SERPINI2: variants seen among roughly 807,000 people sequenced by gnomAD.
The protein encoded by SERPINI2 is serpin I2.
A neutral mutation model predicts 47.3 loss-of-function variants in SERPINI2; 48 were observed. The ratio of observed to expected loss-of-function variants is 1.02; its 90% CI spans 0.81 to 1.29. The LOEUF (loss-of-function observed/expected upper bound fraction) is 1.29, where lower values mean the gene tolerates loss of function less well. Among genes scored for constraint, SERPINI2 ranks in the 50% most tolerant of loss-of-function variants. The pLI is 0.00. For missense variants in SERPINI2, 448 were observed against 456.9 expected (o/e 0.98, Z 0.18); for synonymous variants, 135 against 149.3 (o/e 0.90, Z 0.70).
intron 5 of SERPINI2, among the ~76,000 whole-genome samples, chr3:167,461,975 G>A (rs921363396): frequency 2.0e-5 from 3 of 151,968 alleles, no homozygotes; most frequent in African/African-American, 7.3e-5. Flanking sequence ...AGAAAATCTG[G>A]GTCACCTTCT....
intron 5 of SERPINI2, among the ~76,000 whole-genome samples, chr3:167,461,621 T>A (rs1320835719): frequency 6.6e-6 from 1 of 151,982 alleles, no homozygotes; most frequent in African/African-American, 2.4e-5. Flanking sequence ...ATGCTTTTTT[T>A]TTTTTTGGAG....
chr3:167,457,751 A>G (rs993270432), intron 5 of SERPINI2, among the ~76,000 whole-genome samples: 2 of 152,230 alleles, frequency 1.3e-5, no homozygotes, highest in Non-Finnish European at 2.9e-5. Flanking sequence ...TAAACAATTC[A>G]TTTTAATATA....
intron 2 of SERPINI2, 113 bp downstream of exon 2, chr3:167,471,475 A>T: frequency 1.0e-6 from 1 of 1,003,998 alleles, no homozygotes; most frequent in Non-Finnish European, 1.4e-6. Flanking sequence ...ACAATTTTGT[A>T]CTTTTCATTA....
At chr3:167,475,103 AT>A (rs1296530594), upstream of SERPINI2, among the ~76,000 whole-genome samples, 2 of 151,674 alleles carry the variant, frequency 1.3e-5, no homozygotes, top group Non-Finnish European at 3.0e-5. Flanking sequence ...ATTAACTAAA[AT>A]TTTTTGATTT....
At chr3:167,471,781 G>A (rs1234843335) in exon 2 of SERPINI2, 1 of 1,613,274 alleles carries the variant, frequency 6.2e-7, no homozygotes, top group Non-Finnish European at 8.5e-7. Context: ...AGCATCTTGA[G>A]GCTTGACTTC....
At chr3:167,476,704 G>A (rs1750488184), upstream of SERPINI2, among the ~76,000 whole-genome samples, 1 of 151,920 alleles carries the variant, frequency 6.6e-6, no homozygotes, top group Non-Finnish European at 1.5e-5. Context: ...ATTTAGTATT[G>A]GCTTAATAAA....
At chr3:167,471,521 T>C in intron 2 of SERPINI2, 67 bp downstream of exon 2, 1 of 1,428,972 alleles carries the variant, frequency 7.0e-7, no homozygotes, top group Non-Finnish European at 9.4e-7. Context: ...ATCCTGAACT[T>C]CTAATATTAA....
exon 9 of SERPINI2, chr3:167,442,110 C>A: frequency 6.3e-7 from 1 of 1,593,436 alleles, no homozygotes; most frequent in Non-Finnish European, 8.5e-7. Context: ...GCTTTTCATT[C>A]ACAGTGAATC....
intron 8 of SERPINI2, among the ~76,000 whole-genome samples, chr3:167,443,198 C>T (rs1350552550): frequency 6.6e-6 from 1 of 152,202 alleles, no homozygotes; most frequent in Non-Finnish European, 1.5e-5. Flanking sequence ...AGCTCCGCCT[C>T]CCGGGTTCAC....
intron 6 of SERPINI2, among the ~76,000 whole-genome samples, chr3:167,449,785 G>A (rs540680981): frequency 2.6e-5 from 4 of 152,260 alleles, no homozygotes; most frequent in South Asian, 2.1e-4. Context: ...GAGCCACCAC[G>A]CCCAGCATCA....
At chr3:167,469,602 T>C (rs988717766) in intron 2 of SERPINI2, 2 of 152,086 alleles carry the variant, frequency 1.3e-5, no homozygotes, top group Middle Eastern at 3.2e-3. Flanking sequence ...AAGAAGCACA[T>C]TGAATTTAGC....
At chr3:167,443,152 G>C (rs1749375717) in intron 8 of SERPINI2, among the ~76,000 whole-genome samples, 1 of 152,178 alleles carries the variant, frequency 6.6e-6, no homozygotes, top group African/African-American at 2.4e-5. Context: ...CTGTCACCCA[G>C]GCTGGAGTGC....
At chr3:167,463,275 T>G (rs1750032856) in intron 5 of SERPINI2, among the ~76,000 whole-genome samples, 1 of 152,110 alleles carries the variant, frequency 6.6e-6, no homozygotes, top group African/African-American at 2.4e-5. Flanking sequence ...TATACCCCAG[T>G]GTTTGGCATA....
intron 6 of SERPINI2, 55 bp downstream of exon 6, chr3:167,452,881 G>A: frequency 9.3e-7 from 1 of 1,070,056 alleles, no homozygotes; most frequent in Non-Finnish European, 1.4e-6. Context: ...GCTAGTTAAT[G>A]TAGTCCTAAC....
intron 1 of SERPINI2, among the ~76,000 whole-genome samples, chr3:167,472,212 CCTT>C (rs1447251192): frequency 6.6e-6 from 1 of 151,878 alleles, no homozygotes; most frequent in African/African-American, 2.4e-5. Flanking sequence ...ATCAGGTAAA[CCTT>C]CTGTGCTGTC....
upstream of SERPINI2, among the ~76,000 whole-genome samples, chr3:167,474,330 G>T (rs1311737773): frequency 6.6e-6 from 1 of 151,622 alleles, no homozygotes; most frequent in Non-Finnish European, 1.5e-5. Context: ...TGCGCTACTG[G>T]TTGTAAATTT....
intron 3 of SERPINI2, 41 bp from the exon 4 acceptor site, chr3:167,465,714 A>G (rs373953280): frequency 2.0e-6 from 3 of 1,529,460 alleles, no homozygotes; most frequent in African/African-American, 2.8e-5. Flanking sequence ...GAAATGTGCA[A>G]TAGTGATTCA....
chr3:167,455,531 G>T (rs1176879418), intron 5 of SERPINI2, among the ~76,000 whole-genome samples: 1 of 151,014 alleles, frequency 6.6e-6, no homozygotes, highest in Non-Finnish European at 1.5e-5. Flanking sequence ...TTGGTACAGT[G>T]GGCTTGAATC....
At chr3:167,448,726 G>A (rs1480825053) in intron 7 of SERPINI2, among the ~76,000 whole-genome samples, 1 of 152,116 alleles carries the variant, frequency 6.6e-6, no homozygotes, top group South Asian at 2.1e-4. Flanking sequence ...GTTTCACCGT[G>A]TTATCCAGGA....
Sources: allele counts gnomAD v4.1 joint callset (sites outside exome capture counted in the v4.1 genomes callset), GRCh38; gene constraint gnomAD v4.1.1; transcripts MANE v1.5; gene names NCBI Gene and HGNC (gene_info 2026-07-23, HGNC 2026-07-21).